The following XAF1 variants were observed in gnomAD, a reference collection of about 807,000 sequenced individuals.
XAF1 encodes XIAP-associated factor 1.
XAF1 carries 32 observed loss-of-function variants against 32.3 expected under a neutral mutation model. That is an observed-to-expected ratio of 0.99 (90% CI 0.75 to 1.33). The LOEUF (loss-of-function observed/expected upper bound fraction) is 1.33, where lower values mean the gene tolerates loss of function less well. Among genes scored for constraint, XAF1 ranks in the 40% most tolerant of loss-of-function variants. The pLI is 0.00. For synonymous variants in XAF1, 120 were observed against 125.9 expected, an observed-to-expected ratio of 0.95 and a Z score of 0.31; for missense variants, 379 against 366.0, an observed-to-expected ratio of 1.04 and a Z score of -0.29.
At chr17:6,762,820 G>A (rs1975322819) in intron 5 of XAF1, among the ~76,000 whole-genome samples, 2 of 152,088 alleles carry the variant, frequency 1.3e-5, no homozygotes, top group African/African-American at 4.8e-5. Context: ...TTTCCCCTTT[G>A]GGAAACTTAC....
chr17:6,758,229 G>A lies in XAF1; in HGVS notation c.168+5G>A, dbSNP rs772645302. ...TGCAAGCTTGAGCACCAGCAGGTGA[G>A]GAGGCGGCAGGGAGGATGGGGTCTG... On this transcript the variant is annotated splice_donor_5th_base_variant and intron_variant, in intron 2 of 6. Coordinates refer to ENST00000361842, the MANE Select transcript of XAF1 (RefSeq NM_017523.5). 1.2e-6 allele frequency: 2 copies of A among 1,613,950 alleles called. No individual in the cohort carries two copies. Among genetic ancestry groups the A allele is most frequent in the East Asian group, 4.5e-5 (2 of 44,888 alleles).
At chr17:6,760,306 C>T in intron 3 of XAF1, 100 bp from the exon 4 acceptor site, 1 of 1,196,834 alleles carries the variant, frequency 8.4e-7, no homozygotes, top group Non-Finnish European at 1.2e-6. Context: ...CAAGATCAAG[C>T]CACTGCACTC....
In XAF1 at chr17:6,775,038, C is replaced by CT. The variant is rs1334165266; in HGVS notation, c.*1871dup. On this transcript the variant is annotated 3_prime_UTR_variant, in exon 7 of 7. Coordinates refer to ENST00000361842, the MANE Select transcript of XAF1 (RefSeq NM_017523.5). ...CCTGGGCAACCAAGCGAGACTCTGC[C>CT]TTAAAAAAAAAAAAAAGAAAATGTG... is the stretch of plus-strand genomic sequence containing the variant. 2 of 144,468 alleles carry CT rather than the reference C, an allele frequency of 1.4e-5. No individual in the cohort carries two copies. The highest frequency in any genetic ancestry group is 5.6e-5 in the African/African-American group (2 of 35,856). The allele number at this position is 144,468 out of a possible 1,614,324, so 8.9% of individuals were successfully genotyped here. A position where few individuals can be genotyped will look rare whatever the true frequency, so the allele number is the denominator to read the frequency against.
At chr17:6,765,139 T>C (rs9916360) in intron 5 of XAF1, among the ~76,000 whole-genome samples, 17,802 of 152,080 alleles carry the variant, frequency 0.12, 1,499 homozygotes, top group African/African-American at 0.24. Flanking sequence ...TAAGGCCGGG[T>C]ATGGTGGCTC....
chr17:6,769,073 C>A (rs1164756014), intron 5 of XAF1, among the ~76,000 whole-genome samples: 1 of 150,268 alleles, frequency 6.7e-6, no homozygotes, highest in Admixed American at 6.6e-5. Flanking sequence ...TTTTTCATTT[C>A]TCTCTTTTAA....
intron 6 of XAF1, 154 bp from the exon 7 acceptor site, chr17:6,772,959 C>A: frequency 1.6e-6 from 1 of 615,182 alleles, no homozygotes; most frequent in Non-Finnish European, 2.7e-6. Context: ...ATACTTCTGG[C>A]TCAGTGGGCT....
Position 6,760,403 on chromosome 17 carries a change from C to T in XAF1, c.226-3C>T. On this transcript the variant is annotated splice_region_variant and splice_polypyrimidine_tract_variant and intron_variant, in intron 3 of 6. Coordinates refer to ENST00000361842, the MANE Select transcript of XAF1 (RefSeq NM_017523.5). The stretch of plus-strand genomic sequence containing the variant: ...ATCATGCCCTTCCTGCTGCCTCCCA[C>T]AGGCCAATGAGTGCCAGGAGCGCCC... 6.2e-7 allele frequency: 1 copy of T among 1,607,756 alleles called. No individual in the cohort carries two copies. Among genetic ancestry groups the T allele is most frequent in the South Asian group, 1.1e-5 (1 of 90,190 alleles).
intron 1 of XAF1, chr17:6,756,395 GGC>G: frequency 2.4e-6 from 2 of 824,896 alleles, no homozygotes; most frequent in African/African-American, 1.7e-5. Flanking sequence ...GTCCCAACTG[GGC>G]TACTCATACT....
chr17:6,760,992 T>C (rs1468262771), intron 4 of XAF1, among the ~76,000 whole-genome samples: 1 of 151,992 alleles, frequency 6.6e-6, no homozygotes, highest in African/African-American at 2.4e-5. Flanking sequence ...CCGTCTCTAC[T>C]AAAAATACAA....
At chr17:6,772,388 C>T (rs1976100691) in intron 6 of XAF1, among the ~76,000 whole-genome samples, 1 of 151,382 alleles carries the variant, frequency 6.6e-6, no homozygotes, top group African/African-American at 2.4e-5. Context: ...ATATAACCAC[C>T]ATACAAACAT....
chr17:6,756,989 CTTCTT>C (rs1212975900), intron 1 of XAF1, among the ~76,000 whole-genome samples: 6 of 136,986 alleles, frequency 4.4e-5, no homozygotes, highest in African/African-American at 1.7e-4. Context: ...TTTCTTTCTT[CTTCTT>C]TTTTTTTTTT....
At chr17:6,762,059 T>C in intron 4 of XAF1, 96 bp from the exon 5 acceptor site, 1 of 1,592,544 alleles carries the variant, frequency 6.3e-7, no homozygotes, top group Non-Finnish European at 8.6e-7. Flanking sequence ...GGGCAGTTCG[T>C]GCTCATGAGC....
chr17:6,760,069 G>T (rs1371087092), intron 3 of XAF1, among the ~76,000 whole-genome samples: 1 of 152,142 alleles, frequency 6.6e-6, no homozygotes, highest in East Asian at 1.9e-4. Flanking sequence ...CCAGTGATCG[G>T]CCAGGCGCAG....
intron 5 of XAF1, among the ~76,000 whole-genome samples, chr17:6,763,076 T>A (rs889974128): frequency 2.0e-5 from 3 of 152,224 alleles, no homozygotes; most frequent in Non-Finnish European, 4.4e-5. Context: ...TAGAATATTT[T>A]CATCATTCCA....
At chr17:6,761,642 G>A in intron 4 of XAF1, 1 of 331,084 alleles carries the variant, frequency 3.0e-6, no homozygotes, top group Non-Finnish European at 5.4e-6. Context: ...TGGAAATTGT[G>A]AGAGTCATGT....
intron 2 of XAF1, 164 bp from the exon 3 acceptor site, chr17:6,759,498 G>A (rs539330563): frequency 6.9e-5 from 100 of 1,454,288 alleles, no homozygotes; most frequent in African/African-American, 1.4e-4. Context: ...AACACTGGGC[G>A]GGGTGCTAGA....
intron 1 of XAF1, 126 bp downstream of exon 1, chr17:6,756,236 T>G: frequency 2.0e-6 from 3 of 1,512,726 alleles, no homozygotes; most frequent in Non-Finnish European, 1.8e-6. Flanking sequence ...GACAAGCAGC[T>G]GGAGACCGTG....
At chr17:6,760,320 C>G (rs1975080990) in intron 3 of XAF1, 86 bp from the exon 4 acceptor site, 2 of 1,357,366 alleles carry the variant, frequency 1.5e-6, no homozygotes, top group East Asian at 2.6e-5. Flanking sequence ...TGCACTCCAG[C>G]CTGGGCAACA....
upstream of XAF1, chr17:6,755,796 T>C (rs1974610010): frequency 4.0e-6 from 5 of 1,250,650 alleles, no homozygotes; most frequent in Non-Finnish European, 5.1e-6. Flanking sequence ...GCTGCTGTGC[T>C]GCCCAGGAGA....
Sources: gnomAD v4.1 joint callset for allele counts (sites outside exome capture counted in the v4.1 genomes callset) on GRCh38, gnomAD v4.1.1 for gene constraint, MANE v1.5 for transcripts, NCBI Gene and HGNC (gene_info 2026-07-23, HGNC 2026-07-21) for gene names.